FAM234A: variants seen among roughly 807,000 people sequenced by gnomAD.
FAM234A encodes family with sequence similarity 234 member A.
A neutral mutation model predicts 49.1 loss-of-function variants in FAM234A; 42 were observed. The ratio of observed to expected loss-of-function variants is 0.86; its 90% CI spans 0.67 to 1.11. The LOEUF (loss-of-function observed/expected upper bound fraction) is 1.11, where lower values mean the gene tolerates loss of function less well. Among genes scored for constraint, FAM234A ranks in the 50% least tolerant of loss-of-function variants. The pLI, the probability that FAM234A is intolerant of heterozygous loss-of-function variation, is 0.00. For synonymous variants in FAM234A, 369 were observed against 316.2 expected (o/e 1.17, Z -1.77); for missense variants, 815 against 745.2 (o/e 1.09, Z -1.09).
intron 1 of FAM234A, among the ~76,000 whole-genome samples, chr16:244,049 A>G (rs1167263033): frequency 1.3e-5 from 2 of 151,512 alleles, no homozygotes; most frequent in African/African-American, 4.9e-5. Context: ...GCTCACTGCA[A>G]CCTCCGCCTC....
At chr16:260,291 G>A in intron 5 of FAM234A, 131 bp downstream of exon 5, 1 of 856,222 alleles carries the variant, frequency 1.2e-6, no homozygotes, top group Non-Finnish European at 1.9e-6. Flanking sequence ...TGGGAAGGAA[G>A]GTTATGGGGA....
intron 1 of FAM234A, among the ~76,000 whole-genome samples, chr16:241,536 C>T (rs1455589755): frequency 1.3e-5 from 2 of 151,924 alleles, no homozygotes; most frequent in Non-Finnish European, 2.9e-5. Context: ...CTGCAGTGAG[C>T]CATGATTGCA....
Position 264,138 on chromosome 16 carries a change from G to A in FAM234A, c.1311G>A (p.Trp437Ter). ...ACCACCGCTCAGCCTTCTTCTTCTG[G>A]GGCCTCCACGAGCTGGGGAGCACCA... is the stretch of plus-strand genomic sequence containing the variant. ...TADHRSAFFFWGLHELGSTSE... is the reference protein window; with the variant it reads ...TADHRSAFFF Residue 437 changes from tryptophan (W) to a stop codon, truncating the protein, a stop_gained, in exon 11 of 13, where the codon TGG becomes TGA. Coordinates refer to ENST00000399932, the MANE Select transcript of FAM234A (RefSeq NM_032039.4). LOFTEE classifies it high-confidence loss of function. The A allele has an allele frequency of 2.5e-6, 4 of 1,607,824 alleles. No homozygotes were observed. Among genetic ancestry groups the A allele is most frequent in the South Asian group, 1.1e-5 (1 of 90,794 alleles).
At chr16:261,746 A>G (rs1045881588) in intron 6 of FAM234A, among the ~76,000 whole-genome samples, 13 of 152,100 alleles carry the variant, frequency 8.5e-5, no homozygotes, top group African/African-American at 3.1e-4. Context: ...CACACTTCCC[A>G]TTTGTGCTGT....
chr16:237,165 C>G (rs2050434004), intron 1 of FAM234A, among the ~76,000 whole-genome samples: 1 of 152,044 alleles, frequency 6.6e-6, no homozygotes. Context: ...CTTGGCCTCG[C>G]AAAGTGTTAG....
At chr16:251,870 G>A (rs1794344643) in intron 2 of FAM234A, among the ~76,000 whole-genome samples, 1 of 151,134 alleles carries the variant, frequency 6.6e-6, no homozygotes, top group Admixed American at 6.6e-5. Flanking sequence ...AGGCATGGTG[G>A]CGGACGCCCA....
chr16:263,234 C>T (rs753755087), intron 8 of FAM234A, 28 bp from the exon 9 acceptor site: 12 of 1,604,036 alleles, frequency 7.5e-6, no homozygotes, highest in South Asian at 3.3e-5. Context: ...GGGGACCCGG[C>T]GCCCCTTTCT....
intron 1 of FAM234A, among the ~76,000 whole-genome samples, chr16:241,057 C>G (rs2050594853): frequency 6.6e-6 from 1 of 151,952 alleles, no homozygotes; most frequent in African/African-American, 2.4e-5. Flanking sequence ...ACAGCTGGGA[C>G]TAGAGGCACA....
downstream of FAM234A, chr16:269,463 A>G: frequency 6.2e-7 from 1 of 1,604,082 alleles, no homozygotes; most frequent in Non-Finnish European, 8.5e-7. Context: ...AGCAGCCCCC[A>G]GGCCACAGCC....
At chr16:238,017 TTTA>T (rs1242814977) in intron 1 of FAM234A, among the ~76,000 whole-genome samples, 1 of 10,830 alleles carries the variant, frequency 9.2e-5, no homozygotes, top group Admixed American at 9.1e-4. Context: ...GTTATTTATT[TTTA>T]TTTATTTATT....
intron 1 of FAM234A, among the ~76,000 whole-genome samples, chr16:242,724 TGCCTCA>T (rs1350901910): frequency 6.6e-6 from 1 of 151,234 alleles, no homozygotes; most frequent in Non-Finnish European, 1.5e-5. Context: ...GCGATTCTCC[TGCCTCA>T]GCCTCCTGAG....
intron 4 of FAM234A, 73 bp downstream of exon 4, chr16:259,672 G>A (rs987134922): frequency 2.3e-5 from 22 of 953,672 alleles, no homozygotes; most frequent in South Asian, 1.9e-4. Context: ...TCACCCTCTC[G>A]CTTTCAGTGT....
At chr16:258,252 TAAAC>T (rs776356803) in intron 3 of FAM234A, among the ~76,000 whole-genome samples, 1 of 151,830 alleles carries the variant, frequency 6.6e-6, no homozygotes, top group African/African-American at 2.4e-5. Flanking sequence ...GGTCAGCAGA[TAAAC>T]AAGTGAACAA....
chr16:243,210 C>T (rs1477672360), intron 1 of FAM234A, among the ~76,000 whole-genome samples: 1 of 151,720 alleles, frequency 6.6e-6, no homozygotes, highest in East Asian at 1.9e-4. Context: ...AACACCTGGC[C>T]TCAAGTCATC....
downstream of FAM234A, among the ~76,000 whole-genome samples, chr16:266,611 C>T (rs576575298): frequency 1.2e-4 from 19 of 152,284 alleles, no homozygotes; most frequent in East Asian, 2.7e-3. Flanking sequence ...TGAAAAGCCC[C>T]GCTTCAGAGC....
chr16:268,301 G>A, downstream of FAM234A: 1 of 239,896 alleles, frequency 4.2e-6, no homozygotes, highest in Non-Finnish European at 8.3e-6. Context: ...TGCACCCACA[G>A]CAGGATGGGC....
chr16:238,969 C>G (rs2050512575), intron 1 of FAM234A, among the ~76,000 whole-genome samples: 2 of 145,956 alleles, frequency 1.4e-5, no homozygotes, highest in Non-Finnish European at 3.0e-5. Flanking sequence ...GTAGTCCCAG[C>G]TACTCAGGAG....
Position 265,566 on chromosome 16 carries a change from G to T in FAM234A, c.*544G>T. The T allele has an allele frequency of 1.0e-6, 1 of 985,818 alleles. No individual in the cohort carries two copies. Among genetic ancestry groups the T allele is most frequent in the South Asian group, 4.7e-5 (1 of 21,294 alleles). 61.1% of individuals were successfully genotyped at this position (985,818 alleles called of 1,614,324 possible). A position where few individuals can be genotyped will look rare whatever the true frequency, so the allele number is the denominator to read the frequency against. ...GGGAACCTGAGACAGCTCCAGCTTCGCAGCCCTTCCCGGAGCTACAGGGGG... is the reference window on the plus strand; with the variant it reads ...GGGAACCTGAGACAGCTCCAGCTTCTCAGCCCTTCCCGGAGCTACAGGGGG... On this transcript the variant is annotated 3_prime_UTR_variant, in exon 13 of 13. Transcript: ENST00000399932.
Position 265,543 on chromosome 16 carries a change from G to C in FAM234A, c.*521G>C, listed in dbSNP as rs1288359305. 1 of 985,990 alleles carries C rather than the reference G, an allele frequency of 1.0e-6. No individual in the cohort carries two copies. The highest frequency in any genetic ancestry group is 1.7e-5 in the African/African-American group (1 of 57,208). The allele number at this position is 985,990 out of a possible 1,614,324, so 61.1% of individuals were successfully genotyped here. ...AACTCAGGGTACTGGGCCTCAACGG[G>C]AACCTGAGACAGCTCCAGCTTCGCA... On this transcript the variant is annotated 3_prime_UTR_variant, in exon 13 of 13. Coordinates refer to ENST00000399932, the MANE Select transcript of FAM234A (RefSeq NM_032039.4).
Sources: gnomAD v4.1 joint callset for allele counts (sites outside exome capture counted in the v4.1 genomes callset) on GRCh38, gnomAD v4.1.1 for gene constraint, MANE v1.5 for transcripts, NCBI Gene and HGNC (gene_info 2026-07-23, HGNC 2026-07-21) for gene names.